The following FREM3 variants were observed in gnomAD, a reference collection of about 807,000 sequenced individuals.
FREM3 encodes FRAS1-related extracellular matrix protein 3.
In FREM3, 105 loss-of-function variants were observed where a neutral mutation model predicts 129.1. That is an observed-to-expected ratio of 0.81 (90% CI 0.69 to 0.96). FREM3 has a LOEUF of 0.96. Among genes scored for constraint, FREM3 ranks in the 40% least tolerant of loss-of-function variants. The pLI is 0.00. For missense variants in FREM3, 2,593 were observed against 2,666.3 expected (o/e 0.97, Z 0.61); for synonymous variants, 1,014 against 1,044.9 (o/e 0.97, Z 0.57).
intron 2 of FREM3, among the ~76,000 whole-genome samples, chr4:143,685,773 C>T (rs957358117): frequency 2.0e-5 from 3 of 152,006 alleles, no homozygotes; most frequent in African/African-American, 7.3e-5. Context: ...GAAAACCAAA[C>T]ACAGCATGTT....
chr4:143,656,507 A>T (rs61471595), intron 2 of FREM3, among the ~76,000 whole-genome samples: 7,789 of 152,302 alleles, frequency 0.051, 467 homozygotes, highest in East Asian at 0.19. Context: ...GTACTGATAT[A>T]TGCTATAACA....
At position 143,698,786 on chromosome 4, in the gene FREM3, G is replaced by A; in HGVS notation, c.1890C>T (p.His630=). ...LPLSTEDEDW[H]YMEKEGLYEK... ...CATAAAGCCCTTCCTTTTCCATGTA[G>A]TGCCAGTCTTCATCTTCAGTTGAGA... Residue 630 remains histidine (H), a synonymous_variant, in exon 1 of 8, where the codon CAC becomes CAT. Transcript: ENST00000329798. 3 of 1,537,630 alleles carry A rather than the reference G, an allele frequency of 2.0e-6. No individual in the cohort carries two copies. Among genetic ancestry groups the A allele is most frequent in the Non-Finnish European group, 2.6e-6 (3 of 1,147,002 alleles).
intron 4 of FREM3, among the ~76,000 whole-genome samples, chr4:143,623,725 A>G (rs1321911927): frequency 6.6e-6 from 1 of 152,136 alleles, no homozygotes; most frequent in African/African-American, 2.4e-5. Flanking sequence ...TCCAGGAGCC[A>G]CATCTAGGAC....
intron 5 of FREM3, among the ~76,000 whole-genome samples, chr4:143,616,395 A>G (rs2149840231): frequency 6.6e-6 from 1 of 152,318 alleles, no homozygotes; most frequent in East Asian, 1.9e-4. Flanking sequence ...TAACCTATGA[A>G]CACATCTACA....
At chr4:143,669,883 G>A (rs1043166128) in intron 2 of FREM3, among the ~76,000 whole-genome samples, 4 of 152,158 alleles carry the variant, frequency 2.6e-5, no homozygotes, top group African/African-American at 2.4e-5. Flanking sequence ...GCCAGATAGT[G>A]AGCATAGTAC....
intron 2 of FREM3, among the ~76,000 whole-genome samples, chr4:143,673,005 CA>C (rs1321931333): frequency 6.6e-6 from 1 of 152,076 alleles, no homozygotes; most frequent in Non-Finnish European, 1.5e-5. Flanking sequence ...TATCTTTTTT[CA>C]AGGTTTTTAA....
intron 2 of FREM3, chr4:143,644,984 G>A (rs1739390245): frequency 6.6e-6 from 1 of 152,156 alleles, no homozygotes; most frequent in African/African-American, 2.4e-5. Flanking sequence ...TTCTTTCTAT[G>A]TATTAGTAAT....
At chr4:143,621,670 A>G (rs1447905369) in intron 4 of FREM3, among the ~76,000 whole-genome samples, 2 of 152,186 alleles carry the variant, frequency 1.3e-5, no homozygotes, top group African/African-American at 2.4e-5. Context: ...CCTTCCCTCA[A>G]TTTTAAAGAT....
intron 2 of FREM3, among the ~76,000 whole-genome samples, chr4:143,658,833 A>C (rs1335057836): frequency 5.3e-5 from 8 of 152,120 alleles, no homozygotes; most frequent in Non-Finnish European, 1.0e-4. Flanking sequence ...AATATCCTTC[A>C]TGGTCTGGAG....
In FREM3 at chr4:143,695,493, T is replaced by C. The variant is rs1008558439; in HGVS notation, c.5183A>G (p.Gln1728Arg). 6.5e-7 allele frequency: 1 copy of C among 1,536,126 alleles called. No individual in the cohort carries two copies. Among genetic ancestry groups the C allele is most frequent in the Non-Finnish European group, 8.7e-7 (1 of 1,146,258 alleles). ...LGNQSTRVFTQADIDEMKISY... is the reference protein window; with the variant it reads ...LGNQSTRVFTRADIDEMKISY... ...GGCAGGGAAGAATACATACTAACCT[T>C]GTGTAAACACTCGAGTGCTCTGGTT... Residue 1728 changes from glutamine (Q) to arginine (R), a missense_variant and splice_region_variant, in exon 1 of 8, where the codon CAA becomes CGA. By Grantham distance (43) the Gln-to-Arg change is conservative (BLOSUM62 1). Transcript: ENST00000329798.
chr4:143,628,439 T>G (rs1053564699), intron 2 of FREM3, among the ~76,000 whole-genome samples: 13 of 152,066 alleles, frequency 8.5e-5, no homozygotes, highest in Non-Finnish European at 1.6e-4. Flanking sequence ...CAAGAGAAGG[T>G]CTCCCTAATC....
Position 143,700,110 on chromosome 4 carries a change from T to G in FREM3, c.566A>C (p.Asp189Ala). 1 of 1,536,992 alleles carries G rather than the reference T, an allele frequency of 6.5e-7. No homozygotes were observed. Among genetic ancestry groups the G allele is most frequent in the Non-Finnish European group, 8.7e-7 (1 of 1,146,852 alleles). ...EKLRSWSRAI[D>A]RRVLDFASLK... ...GGAGGCGAAGTCCAGCACTCTCCTG[T>G]CTATGGCGCGGCTCCAGCTTCGCAG... Residue 189 changes from aspartate (D) to alanine (A), a missense_variant, in exon 1 of 8, where the codon GAC (aspartate) becomes GCC (alanine). Physicochemically the swap from Asp to Ala is moderately radical, Grantham distance 126. Around this residue, in one of 2 missense-constraint regions of FREM3, gnomAD observed 2,276 missense variants for 2,267.2 expected, o/e 1.00. Coordinates refer to ENST00000329798, the MANE Select transcript of FREM3 (RefSeq NM_001168235.2).
Position 143,698,569 on chromosome 4 carries a change from G to GACTCAGTATATCC in FREM3, c.2094_2106dup (p.Pro703GlyfsTer34). 1 of 1,537,642 alleles carries GACTCAGTATATCC rather than the reference G, an allele frequency of 6.5e-7. No homozygotes were observed. Among genetic ancestry groups the GACTCAGTATATCC allele is most frequent in the Non-Finnish European group, 8.7e-7 (1 of 1,146,958 alleles). ...AGTGTAGTTCCTGGATACAGCTGTGGACTCAGTATATCCACTGGTTGGACC... is the reference window on the plus strand; with the variant it reads ...AGTGTAGTTCCTGGATACAGCTGTGGACTCAGTATATCCACTCAGTATATCCACTGGTTGGACC... On this transcript the variant is annotated frameshift_variant, in exon 1 of 8. Transcript: ENST00000329798. LOFTEE classifies it high-confidence loss of function.
In FREM3 at chr4:143,696,606, C is replaced by A; in HGVS notation, c.4070G>T (p.Arg1357Met). The change falls in exon 1 of 8, where the codon AGG becomes ATG. Residue 1357 changes from arginine (R) to methionine (M), a missense_variant. By Grantham distance (91) the Arg-to-Met change is moderately conservative. Transcript: ENST00000329798. ...CACTTCTCCTCTGGGTTTTCTCAGC[C>A]TCTGTAGAAGCCCTTGTTGAGGCCC... ...HSGPQQGLLQRLRKPRGEVRN... is the reference protein window; with the variant it reads ...HSGPQQGLLQMLRKPRGEVRN... The A allele has an allele frequency of 6.5e-7, 1 of 1,537,664 alleles. No homozygotes were observed.
rs1291374292 is a variant in FREM3, at chr4:143,698,122, G to C, written c.2554C>G (p.Leu852Val). The change falls in exon 1 of 8, where the codon CTG becomes GTG. Residue 852 changes from leucine to valine, a missense_variant. Physicochemically the swap from Leu to Val is conservative, Grantham distance 32. Around this residue, in one of 2 missense-constraint regions of FREM3, gnomAD observed 2,276 missense variants for 2,267.2 expected, o/e 1.00. Coordinates refer to ENST00000329798, the MANE Select transcript of FREM3 (RefSeq NM_001168235.2). ...TCTGTGTCTGGGTCTGTAACATGCA[G>C]CTCATTACTGCTGAGGTTAAAGCTG... ...GGSFNLSSNE[L>V]HVTDPDTDID... 1 of 1,537,318 alleles carries C rather than the reference G, an allele frequency of 6.5e-7. No homozygotes were observed. The highest frequency in any genetic ancestry group is 8.7e-7 in the Non-Finnish European group (1 of 1,146,956).
intron 6 of FREM3, among the ~76,000 whole-genome samples, chr4:143,606,371 C>CTTT (rs34964024): frequency 6.8e-6 from 1 of 147,250 alleles, no homozygotes; most frequent in Non-Finnish European, 1.5e-5. Context: ...AATATAGTAA[C>CTTT]TTTTTTTTTT....
At chr4:143,654,107 A>T (rs573385707) in intron 2 of FREM3, among the ~76,000 whole-genome samples, 58 of 152,198 alleles carry the variant, frequency 3.8e-4, no homozygotes, top group East Asian at 2.1e-3. Context: ...AATTAAAAAA[A>T]TTTTTTTATT....
intron 7 of FREM3, among the ~76,000 whole-genome samples, chr4:143,583,989 G>A (rs1372797769): frequency 6.6e-6 from 1 of 152,192 alleles, no homozygotes; most frequent in Non-Finnish European, 1.5e-5. Flanking sequence ...CAGGCTAAAT[G>A]ACCCAATTAA....
At position 143,621,118 on chromosome 4, in the gene FREM3, C is replaced by T. The variant is rs1738941397; in HGVS notation, c.5698G>A (p.Asp1900Asn). 2.0e-6 allele frequency: 3 copies of T among 1,536,966 alleles called. No individual in the cohort carries two copies. The highest frequency in any genetic ancestry group is 2.0e-5 in the Admixed American group (1 of 50,996). Residue 1900 changes from aspartate to asparagine, a missense_variant, in exon 5 of 8, where the codon GAC becomes AAC. Physicochemically the swap from Asp to Asn is conservative, Grantham distance 23. This residue lies in a region of FREM3 where 317 missense variants were observed against 399.0 expected (regional missense o/e 0.79). Transcript: ENST00000329798. Reference sequence around the variant, plus strand: ...ACTGGAATCAAAAGTTCCCCAATGTCCTCTTCTATTTTGTATTCCGCCTCT... The same window carrying T: ...ACTGGAATCAAAAGTTCCCCAATGTTCTCTTCTATTTTGTATTCCGCCTCT... Reference protein sequence around the residue: ...IPEAEYKIEEDIGELLIPVRR... With the variant: ...IPEAEYKIEENIGELLIPVRR...
Sources: allele counts gnomAD v4.1 joint callset (sites outside exome capture counted in the v4.1 genomes callset), GRCh38; gene constraint gnomAD v4.1.1; regional missense constraint gnomAD v4.1.1; transcripts MANE v1.5; gene names NCBI Gene and HGNC (gene_info 2026-07-23, HGNC 2026-07-21).